Variants in ICAM5 observed in about 807,000 individuals in gnomAD.
ICAM5 encodes ICAM-5.
ICAM5 carries 38 observed loss-of-function variants against 78.8 expected under a neutral mutation model. The observed-to-expected ratio is 0.48, with a 90% CI of 0.37 to 0.63. ICAM5 has a LOEUF of 0.63. Among genes scored for constraint, ICAM5 ranks in the 30% least tolerant of loss-of-function variants. ICAM5 has a pLI of 0.00. For synonymous variants in ICAM5, 544 were observed against 590.9 expected (o/e 0.92, Z 1.15); for missense variants, 1,059 against 1,303.0 (o/e 0.81, Z 2.88).
In ICAM5 at chr19:10,291,522, C is replaced by T. The variant is rs755186666; in HGVS notation, c.386C>T (p.Pro129Leu). Residue 129 changes from proline (P) to leucine (L), a missense_variant, in exon 3 of 11, where the codon CCT becomes CTT. Pro to Leu is a moderately conservative substitution (Grantham distance 98, BLOSUM62 -3). Transcript: ENST00000221980. Reference sequence around the variant, plus strand: ...GATCGCGTAGAGCTGATGCCGCTGCCTCCCTGGCAGCCGGTGGGCGAGAAC... The same window carrying T: ...GATCGCGTAGAGCTGATGCCGCTGCTTCCCTGGCAGCCGGTGGGCGAGAAC... ...RPDRVELMPL[P>L]PWQPVGENFT... is the part of the protein sequence containing the mutation. The T allele has an allele frequency of 6.2e-7, 1 of 1,612,590 alleles. No individual in the cohort carries two copies.
intron 3 of ICAM5, 97 bp from the exon 4 acceptor site, chr19:10,291,938 G>A: frequency 6.7e-7 from 1 of 1,494,180 alleles, no homozygotes; most frequent in South Asian, 1.2e-5. Flanking sequence ...CCCCCTCCGT[G>A]CCTTGAGGAT....
chr19:10,293,648 G>A lies in ICAM5; in HGVS notation c.1466-50G>A, dbSNP rs1380787399. 5.0e-6 allele frequency: 8 copies of A among 1,594,306 alleles called. No homozygotes were observed. Among genetic ancestry groups the A allele is most frequent in the Non-Finnish European group, 6.8e-6 (8 of 1,168,150 alleles). The stretch of plus-strand genomic sequence containing the variant: ...GCCGCGCCAAGGAGGGTCTAGGGAC[G>A]TCAGATTTGCCCCCAAACCCCAAAG... On this transcript the variant is annotated intron_variant, in intron 6 of 10. Coordinates refer to ENST00000221980, the MANE Select transcript of ICAM5 (RefSeq NM_003259.4). The surrounding 1 kb of genome is among the most constrained non-coding windows in gnomAD (Gnocchi z 5.0).
intron 10 of ICAM5, 56 bp from the exon 11 acceptor site, chr19:10,296,283 G>T (rs2040219534): frequency 1.6e-6 from 2 of 1,223,228 alleles, no homozygotes; most frequent in East Asian, 3.2e-5. Flanking sequence ...TGCGGGGGGC[G>T]GTGGGAGAAG....
chr19:10,293,901 C>T lies in ICAM5; in HGVS notation c.1669C>T (p.Pro557Ser), dbSNP rs1599280864. 1 of 1,611,230 alleles carries T rather than the reference C, an allele frequency of 6.2e-7. No individual in the cohort carries two copies. The highest frequency in any genetic ancestry group is 1.3e-5 in the African/African-American group (1 of 75,012). ...AGTYRCEATN[P>S]RGSAAKNVAV... Reference sequence around the variant, plus strand: ...CACTTACCGCTGCGAAGCCACCAACCCTCGGGGCTCTGCGGCCAAAAATGT... The same window carrying T: ...CACTTACCGCTGCGAAGCCACCAACTCTCGGGGCTCTGCGGCCAAAAATGT... The change falls in exon 7 of 11, where the codon CCT (proline) becomes TCT (serine). Residue 557 changes from proline (P) to serine (S), a missense_variant. This residue lies in a region of ICAM5 where 815 missense variants were observed against 952.8 expected (regional missense o/e 0.86). Coordinates refer to ENST00000221980, the MANE Select transcript of ICAM5 (RefSeq NM_003259.4). This position sits in a 1 kb window ranked among gnomAD's most constrained non-coding sequence, Gnocchi z 5.0.
Position 10,293,966 on chromosome 19 carries a change from T to C in ICAM5, c.1711+23T>C. The C allele has an allele frequency of 6.2e-7, 1 of 1,608,064 alleles. No homozygotes were observed. Among genetic ancestry groups the C allele is most frequent in the African/African-American group, 1.3e-5 (1 of 74,924 alleles). ...AATGTGAGTAGGGGCACCGCGGAGT[T>C]AGGCAGGATCTGTGGGACAACCCCG... On this transcript the variant is annotated intron_variant, in intron 7 of 10. Coordinates refer to ENST00000221980, the MANE Select transcript of ICAM5 (RefSeq NM_003259.4). This position sits in a 1 kb window ranked among gnomAD's most constrained non-coding sequence, Gnocchi z 5.0.
At position 10,295,527 on chromosome 19, in the gene ICAM5, C is replaced by G. The variant is rs537140076; in HGVS notation, c.2412C>G (p.Ala804=). 34 of 1,552,136 alleles carry G rather than the reference C, an allele frequency of 2.2e-5. No homozygotes were observed. In the South Asian group the frequency reaches 3.7e-4, roughly 17 times the overall value. ...ACAGCACACTGAGCGTGGCAGGCGC[C>G]ATGGGAAGCCACGGCGGCGAGTACG... ...SNNSTLSVAG[A]MGSHGGEYEC... The change falls in exon 10 of 11, where the codon GCC becomes GCG. Residue 804 remains alanine (A), a synonymous_variant. Transcript: ENST00000221980.
intron 4 of ICAM5, 43 bp downstream of exon 4, chr19:10,292,365 A>G (rs2040180924): frequency 1.3e-6 from 2 of 1,536,838 alleles, no homozygotes; most frequent in Non-Finnish European, 1.8e-6. Context: ...AGGTGGGACC[A>G]GAGGAATGCG....
At chr19:10,291,362 C>T (rs754650970) in intron 2 of ICAM5, 21 bp downstream of exon 2, 2 of 1,605,628 alleles carry the variant, frequency 1.2e-6, no homozygotes, top group Non-Finnish European at 8.5e-7. Flanking sequence ...GGTGGCCACG[C>T]GCGTACTCCA....
In ICAM5 at chr19:10,292,730, G is replaced by A; in HGVS notation, c.1080G>A (p.Ala360=). The change falls in exon 5 of 11, where the codon GCG becomes GCA. Residue 360 remains alanine (A), a synonymous_variant. Transcript: ENST00000221980. ...TCACACTGGAGGGAGTTCCAGCCGC[G>A]GTCCCGGGGCAGCCCGCCCAGCTTC... ...ALVTLEGVPA[A]VPGQPAQLQL... is the part of the protein sequence containing the mutation. 1.9e-6 allele frequency: 3 copies of A among 1,613,358 alleles called. No homozygotes were observed. Among genetic ancestry groups the A allele is most frequent in the Non-Finnish European group, 2.5e-6 (3 of 1,179,964 alleles).
chr19:10,290,240 C>T lies in ICAM5; in HGVS notation c.82+115C>T, dbSNP rs946179572. 5 of 738,090 alleles carry T rather than the reference C, an allele frequency of 6.8e-6. No homozygotes were observed. The highest frequency in any genetic ancestry group is 1.0e-5 in the Non-Finnish European group (5 of 480,328). 45.7% of individuals were successfully genotyped at this position (738,090 alleles called of 1,614,324 possible). ...CTCGCCTCGCTCCCACGCCTCTGCC[C>T]CCACCTCGAGCCTGAGTCTTCTCCC... On this transcript the variant is annotated intron_variant, in intron 1 of 10. Transcript: ENST00000221980. This position sits in a 1 kb window ranked among gnomAD's most constrained non-coding sequence, Gnocchi z 5.7.
In ICAM5 at chr19:10,296,364, C is replaced by A. The variant is rs978525452; in HGVS notation, c.2523C>A (p.Gly841=). 5 of 1,251,014 alleles carry A rather than the reference C, an allele frequency of 4.0e-6. No homozygotes were observed. Among genetic ancestry groups the A allele is most frequent in the Non-Finnish European group, 5.0e-6 (5 of 990,264 alleles). The allele number at this position is 1,251,014 out of a possible 1,614,324, so 77.5% of individuals were successfully genotyped here. A position where few individuals can be genotyped will look rare whatever the true frequency, so the allele number is the denominator to read the frequency against. The part of the protein sequence containing the change: ...VAGPWLWVAV[G]GAAGGAALLA... The stretch of plus-strand genomic sequence containing the variant: ...GTCCGTGGCTATGGGTCGCCGTGGG[C>A]GGCGCGGCGGGGGGCGCGGCGCTGC... The change falls in exon 11 of 11, where the codon GGC becomes GGA. Residue 841 remains glycine, a synonymous_variant. Transcript: ENST00000221980.
chr19:10,290,814 A>G lies in ICAM5; in HGVS notation c.83-258A>G, dbSNP rs944718350. 5 of 569,548 alleles carry G rather than the reference A, an allele frequency of 8.8e-6. No individual in the cohort carries two copies. The highest frequency in any genetic ancestry group is 1.9e-5 in the African/African-American group (1 of 52,770). 35.3% of individuals were successfully genotyped at this position (569,548 alleles called of 1,614,324 possible). ...TTCCTCTCCTCTACGCCCTCCCCCC[A>G]TGCTTTCCCGCCGCTCCATCGGCGC... is the stretch of plus-strand genomic sequence containing the variant. On this transcript the variant is annotated intron_variant, in intron 1 of 10. Coordinates refer to ENST00000221980, the MANE Select transcript of ICAM5 (RefSeq NM_003259.4). The surrounding 1 kb of genome is among the most constrained non-coding windows in gnomAD (Gnocchi z 5.7).
chr19:10,291,281 G>T lies in ICAM5; in HGVS notation c.292G>T (p.Val98Phe), dbSNP rs745979453. 1 of 1,612,570 alleles carries T rather than the reference G, an allele frequency of 6.2e-7. No individual in the cohort carries two copies. Residue 98 changes from valine to phenylalanine, a missense_variant, in exon 2 of 11, where the codon GTC becomes TTC. By Grantham distance (50) the Val-to-Phe change is conservative. This residue lies in a region of ICAM5 where 815 missense variants were observed against 952.8 expected (regional missense o/e 0.86). Transcript: ENST00000221980. ...VDIREPETQP[V>F]CFFRCARRTL... is the part of the protein sequence containing the mutation. ...CATTCGCGAGCCGGAGACTCAGCCC[G>T]TCTGCTTCTTCCGCTGCGCGCGGCG... is the stretch of plus-strand genomic sequence containing the variant.
Position 10,296,445 on chromosome 19 carries a change from C to G in ICAM5, c.2604C>G (p.Gly868=), listed in dbSNP as rs1391492175. 2 of 1,330,284 alleles carry G rather than the reference C, an allele frequency of 1.5e-6. No individual in the cohort carries two copies. The highest frequency in any genetic ancestry group is 1.9e-6 in the Non-Finnish European group (2 of 1,027,098). The allele number at this position is 1,330,284 out of a possible 1,614,324, so 82.4% of individuals were successfully genotyped here. ...TGCAGTCCACCGCCTGCAAGAAGGG[C>G]GAGTACAACGTGCAGGAGGCCGAGA... The part of the protein sequence containing the change: ...FYVQSTACKK[G]EYNVQEAESS... The change falls in exon 11 of 11, where the codon GGC becomes GGG. Residue 868 remains glycine, a synonymous_variant. Transcript: ENST00000221980.
chr19:10,293,953 G>A lies in ICAM5; in HGVS notation c.1711+10G>A, dbSNP rs777384734. On this transcript the variant is annotated intron_variant, in intron 7 of 10. Transcript: ENST00000221980. The surrounding 1 kb of genome is among the most constrained non-coding windows in gnomAD (Gnocchi z 5.0). ...GCCGTCACGGTGGAATGTGAGTAGGGGCACCGCGGAGTTAGGCAGGATCTG... is the reference window on the plus strand; with the variant it reads ...GCCGTCACGGTGGAATGTGAGTAGGAGCACCGCGGAGTTAGGCAGGATCTG... 1.2e-6 allele frequency: 2 copies of A among 1,610,876 alleles called. No homozygotes were observed. Among genetic ancestry groups the A allele is most frequent in the South Asian group, 2.2e-5 (2 of 90,960 alleles).
In ICAM5 at chr19:10,294,153, G is replaced by A; in HGVS notation, c.1825G>A (p.Val609Met). 1.2e-6 allele frequency: 2 copies of A among 1,611,454 alleles called. No homozygotes were observed. Among genetic ancestry groups the A allele is most frequent in the Non-Finnish European group, 1.7e-6 (2 of 1,179,298 alleles). Residue 609 changes from valine (V) to methionine (M), a missense_variant, in exon 8 of 11, where the codon GTG becomes ATG. By Grantham distance (21) the Val-to-Met change is conservative. Transcript: ENST00000221980. This position sits in a 1 kb window ranked among gnomAD's most constrained non-coding sequence, Gnocchi z 7.7. ...DGKPQPSVKC[V>M]GSGGATEGVL... ...GAAGCCACAGCCAAGCGTGAAGTGC[G>A]TGGGCTCCGGGGGCGCCACTGAGGG...
At position 10,291,198 on chromosome 19, in the gene ICAM5, C is replaced by A; in HGVS notation, c.209C>A (p.Ser70Ter). The A allele has an allele frequency of 6.2e-7, 1 of 1,612,360 alleles. No homozygotes were observed. Residue 70 changes from serine (S) to a stop codon, truncating the protein, a stop_gained, in exon 2 of 11, where the codon TCG becomes TAG. Transcript: ENST00000221980. LOFTEE classifies it high-confidence loss of function. ...PRPERGGLET[S>*]LRRNGTQRGL... The stretch of plus-strand genomic sequence containing the variant: ...CCGGAGCGCGGTGGCCTGGAGACCT[C>A]GCTGCGCCGAAACGGGACCCAGAGG...
intron 10 of ICAM5, 75 bp downstream of exon 10, chr19:10,295,687 C>T: frequency 3.5e-6 from 5 of 1,435,896 alleles, no homozygotes; most frequent in Non-Finnish European, 4.6e-6. Context: ...GCGGCCGGCC[C>T]CGCCTGCCTC....
intron 4 of ICAM5, 74 bp downstream of exon 4, chr19:10,292,396 C>T (rs1314649632): frequency 2.7e-6 from 4 of 1,478,918 alleles, no homozygotes; most frequent in African/African-American, 1.4e-5. Flanking sequence ...GAAGAGTGGG[C>T]GGGACCTCAG....
Sources: gnomAD v4.1 joint callset for allele counts on GRCh38, gnomAD v4.1.1 for gene constraint, gnomAD v4.1.1 regional missense constraint, Gnocchi (gnomAD v3.1) non-coding constraint, MANE v1.5 for transcripts, NCBI Gene and HGNC (gene_info 2026-07-23, HGNC 2026-07-21) for gene names.